IGF2BP2: variants seen among roughly 807,000 people sequenced by gnomAD.
IGF2BP2 encodes the protein insulin-like growth factor 2 mRNA-binding protein 2.
Under a neutral mutation model 75.8 loss-of-function variants are expected in IGF2BP2, and 17 were observed. The observed-to-expected ratio is 0.22, with a 90% CI of 0.15 to 0.34. IGF2BP2 has a LOEUF of 0.34. IGF2BP2 is among the 10% of genes least tolerant of loss of function. The probability of loss-of-function intolerance (pLI) is 1.00; values close to 1 mark genes in which losing one functional copy is unlikely to be tolerated. For missense variants in IGF2BP2, 516 were observed against 772.4 expected (o/e 0.67, Z 3.93); for synonymous variants, 288 against 295.6 (o/e 0.97, Z 0.26).
intron 2 of IGF2BP2, among the ~76,000 whole-genome samples, chr3:185,746,654 G>A (rs1730286633): frequency 1.3e-5 from 2 of 152,158 alleles, no homozygotes; most frequent in Admixed American, 6.5e-5. Flanking sequence ...TTATATATGA[G>A]GGCGGAGCAA....
intron 2 of IGF2BP2, among the ~76,000 whole-genome samples, chr3:185,794,591 C>T (rs1737089061): frequency 6.6e-6 from 1 of 151,888 alleles, no homozygotes; most frequent in Non-Finnish European, 1.5e-5. Context: ...CCCAACAGTG[C>T]TTCTTTTTAA....
At chr3:185,673,439 G>T (rs551061987) in intron 9 of IGF2BP2, among the ~76,000 whole-genome samples, 1 of 152,342 alleles carries the variant, frequency 6.6e-6, no homozygotes, top group Non-Finnish European at 1.5e-5. Flanking sequence ...CATTAGCCAG[G>T]TTCGGGATGG....
chr3:185,794,905 C>CT (rs1036001121), intron 2 of IGF2BP2, among the ~76,000 whole-genome samples: 156 of 148,364 alleles, frequency 1.1e-3, no homozygotes, highest in Admixed American at 4.0e-3. Flanking sequence ...CTTTTCTTTT[C>CT]TTTTTTTTTT....
At chr3:185,716,327 A>G (rs1725606231) in intron 2 of IGF2BP2, 1 of 410,428 alleles carries the variant, frequency 2.4e-6, no homozygotes, top group Non-Finnish European at 4.8e-6. Context: ...CATTTATCCA[A>G]TAAACACTGA....
At chr3:185,646,992 T>C in intron 15 of IGF2BP2, 33 bp downstream of exon 15, 1 of 1,500,152 alleles carries the variant, frequency 6.7e-7, no homozygotes, top group Non-Finnish European at 9.3e-7. Flanking sequence ...AAAAGAGACT[T>C]GCAGGAGAGA....
At chr3:185,704,600 C>T (rs1012419188) in intron 2 of IGF2BP2, among the ~76,000 whole-genome samples, 1 of 152,180 alleles carries the variant, frequency 6.6e-6, no homozygotes, top group Non-Finnish European at 1.5e-5. Flanking sequence ...CAGGCCCAAG[C>T]CACCATGCCC....
chr3:185,676,989 G>GAT (rs1166535510), intron 7 of IGF2BP2, among the ~76,000 whole-genome samples: 28 of 129,714 alleles, frequency 2.2e-4, no homozygotes, highest in East Asian at 4.4e-4. Flanking sequence ...TATATATGGA[G>GAT]ATATATATAT....
At chr3:185,685,320 C>T (rs1720968578) in intron 7 of IGF2BP2, among the ~76,000 whole-genome samples, 1 of 148,292 alleles carries the variant, frequency 6.7e-6, no homozygotes, top group South Asian at 2.1e-4. Context: ...TTGTACTCGA[C>T]AAGAGTGAAA....
chr3:185,793,047 T>G (rs1736862559), intron 2 of IGF2BP2, among the ~76,000 whole-genome samples: 1 of 152,116 alleles, frequency 6.6e-6, no homozygotes, highest in Admixed American at 6.6e-5. Context: ...TTCAAACTAT[T>G]CAGATCTCAG....
chr3:185,764,831 G>C (rs1481124613), intron 2 of IGF2BP2, among the ~76,000 whole-genome samples: 1 of 152,134 alleles, frequency 6.6e-6, no homozygotes, highest in Non-Finnish European at 1.5e-5. Flanking sequence ...GGCTTTATTT[G>C]TCAAGTCAGT....
intron 10 of IGF2BP2, among the ~76,000 whole-genome samples, chr3:185,668,860 C>T (rs1331565501): frequency 6.6e-6 from 1 of 152,056 alleles, no homozygotes; most frequent in Non-Finnish European, 1.5e-5. Context: ...TAACAATCCC[C>T]TAATGTAGGT....
At chr3:185,750,111 C>A (rs1295512879) in intron 2 of IGF2BP2, among the ~76,000 whole-genome samples, 2 of 152,118 alleles carry the variant, frequency 1.3e-5, no homozygotes, top group East Asian at 3.8e-4. Flanking sequence ...GGGGTGGGGC[C>A]TTAGAATTTG....
chr3:185,793,178 T>C (rs1736877031), intron 2 of IGF2BP2, among the ~76,000 whole-genome samples: 1 of 152,126 alleles, frequency 6.6e-6, no homozygotes, highest in Non-Finnish European at 1.5e-5. Flanking sequence ...TCCAGCACAC[T>C]CTGCAGGGGA....
chr3:185,699,792 T>C (rs1002687598), intron 2 of IGF2BP2, among the ~76,000 whole-genome samples: 2 of 152,168 alleles, frequency 1.3e-5, no homozygotes, highest in African/African-American at 4.8e-5. Context: ...ATTTAATCCA[T>C]CCCCTACTAA....
At chr3:185,773,880 G>A (rs557965954) in intron 2 of IGF2BP2, among the ~76,000 whole-genome samples, 8 of 152,250 alleles carry the variant, frequency 5.3e-5, no homozygotes, top group Non-Finnish European at 7.4e-5. Context: ...CATTTTTAAC[G>A]TGCTGAGCAC....
At position 185,823,179 on chromosome 3, in the gene IGF2BP2, A is replaced by C; in HGVS notation, c.213T>G (p.Val71=). ...KVELHGKIME[V]DYSVSKKLRS... ...TTAGCTTTTTAGAGACTGAGTAATC[A>C]ACTTCCATGATTTTCCCATGCAATT... Residue 71 remains valine, a synonymous_variant, in exon 2 of 16, where the codon GTT becomes GTG. Transcript: ENST00000382199. 6.2e-7 allele frequency: 1 copy of C among 1,609,542 alleles called. No individual in the cohort carries two copies. Among genetic ancestry groups the C allele is most frequent in the Non-Finnish European group, 8.5e-7 (1 of 1,177,946 alleles).
intron 12 of IGF2BP2, among the ~76,000 whole-genome samples, chr3:185,653,565 G>C: frequency 6.6e-6 from 1 of 152,018 alleles, no homozygotes; most frequent in Non-Finnish European, 1.5e-5. Context: ...AGGTTGCAAT[G>C]AGCCGAGATC....
intron 2 of IGF2BP2, among the ~76,000 whole-genome samples, chr3:185,769,849 A>G (rs902825439): frequency 1.1e-4 from 16 of 151,828 alleles, no homozygotes; most frequent in Admixed American, 3.9e-4. Flanking sequence ...AAAAAAAAAA[A>G]AAAAGAAACA....
chr3:185,758,567 G>C (rs941504839), intron 2 of IGF2BP2, among the ~76,000 whole-genome samples: 2 of 152,212 alleles, frequency 1.3e-5, no homozygotes, highest in Non-Finnish European at 2.9e-5. Context: ...TGCTATTGCT[G>C]AAGGAGAAGG....
Sources: allele counts gnomAD v4.1 joint callset (sites outside exome capture counted in the v4.1 genomes callset), GRCh38; gene constraint gnomAD v4.1.1; transcripts MANE v1.5; gene names NCBI Gene and HGNC (gene_info 2026-07-23, HGNC 2026-07-21).